The following DOCK7 variants were observed in gnomAD, a reference collection of about 807,000 sequenced individuals.
DOCK7 encodes dedicator of cytokinesis protein 7.
A neutral mutation model predicts 271.0 loss-of-function variants in DOCK7; 138 were observed. The observed-to-expected ratio is 0.51, with a 90% confidence interval of 0.44 to 0.59. The LOEUF is 0.59. Among genes scored for constraint, DOCK7 ranks in the 20% least tolerant of loss-of-function variants. The probability of loss-of-function intolerance (pLI) is 0.00; values close to 1 mark genes in which losing one functional copy is unlikely to be tolerated. For missense variants in DOCK7, 2,066 were observed against 2,592.4 expected (o/e 0.80, Z 4.41); for synonymous variants, 823 against 876.1 (o/e 0.94, Z 1.07).
intron 49 of DOCK7, among the ~76,000 whole-genome samples, chr1:62,456,074 T>C (rs548334039): frequency 2.6e-5 from 4 of 152,318 alleles, no homozygotes; most frequent in African/African-American, 7.2e-5. Flanking sequence ...CATGTGCTTC[T>C]ATAGTCAATC....
chr1:62,630,093 T>C (rs1654434220), intron 11 of DOCK7, among the ~76,000 whole-genome samples: 1 of 152,108 alleles, frequency 6.6e-6, no homozygotes, highest in African/African-American at 2.4e-5. Flanking sequence ...CTAAAAAGAA[T>C]GTGTATTCGG....
chr1:62,578,128 T>C (rs1386979654), intron 17 of DOCK7, among the ~76,000 whole-genome samples: 1 of 152,112 alleles, frequency 6.6e-6, no homozygotes, highest in Non-Finnish European at 1.5e-5. Context: ...TATGCCAAGC[T>C]GGAAAGCATA....
At chr1:62,636,717 G>T in intron 7 of DOCK7, 114 bp from the exon 8 acceptor site, 1 of 794,146 alleles carries the variant, frequency 1.3e-6, no homozygotes, top group Non-Finnish European at 2.0e-6. Context: ...CTACACCTGT[G>T]CCTTTGCCTA....
chr1:62,657,275 GA>G (rs1658134475), intron 2 of DOCK7, among the ~76,000 whole-genome samples: 1 of 152,146 alleles, frequency 6.6e-6, no homozygotes, highest in African/African-American at 2.4e-5. Context: ...TGGTCCAGTA[GA>G]AGTGGGAACC....
At chr1:62,511,551 T>A (rs1644484488) in intron 33 of DOCK7, among the ~76,000 whole-genome samples, 1 of 152,134 alleles carries the variant, frequency 6.6e-6, no homozygotes, top group Non-Finnish European at 1.5e-5. Flanking sequence ...TATAAATTTT[T>A]AAAAATACTG....
chr1:62,539,950 C>T, intron 25 of DOCK7, 58 bp from the exon 26 acceptor site: 2 of 1,194,466 alleles, frequency 1.7e-6, no homozygotes, highest in Non-Finnish European at 2.3e-6. Flanking sequence ...ATTACAACAA[C>T]TCTAAACACT....
chr1:62,675,436 G>A (rs535722277), intron 1 of DOCK7, among the ~76,000 whole-genome samples: 273 of 152,226 alleles, frequency 1.8e-3, no homozygotes, highest in African/African-American at 6.3e-3. Flanking sequence ...TAAGAGACCT[G>A]AACAGGTATT....
At position 62,529,313 on chromosome 1, in the gene DOCK7, T is replaced by A; in HGVS notation, c.3745A>T (p.Ile1249Phe). The A allele has an allele frequency of 6.2e-7, 1 of 1,612,594 alleles. No homozygotes were observed. The highest frequency in any genetic ancestry group is 8.5e-7 in the Non-Finnish European group (1 of 1,179,584). Residue 1249 changes from isoleucine (I) to phenylalanine (F), a missense_variant, in exon 30 of 50, where the codon ATC becomes TTC. Ile to Phe is a conservative substitution (Grantham distance 21). Coordinates refer to ENST00000635253, the MANE Select transcript of DOCK7 (RefSeq NM_001367561.1). ...TACAGCTGAGGTACAGTTTCCATGA[T>A]AATACCAATCAGAGGTAGATACAAC... ...AMLYLPLIGI[I>F]METVPQLYDF...
At chr1:62,518,303 G>A (rs866701459) in intron 31 of DOCK7, among the ~76,000 whole-genome samples, 2 of 152,224 alleles carry the variant, frequency 1.3e-5, no homozygotes, top group African/African-American at 4.8e-5. Flanking sequence ...CCGGCGTGGT[G>A]GCTCACGCCT....
intron 40 of DOCK7, 47 bp from the exon 41 acceptor site, chr1:62,492,894 G>A: frequency 2.7e-6 from 4 of 1,491,770 alleles, no homozygotes; most frequent in Non-Finnish European, 3.7e-6. Context: ...GAATTTTCTA[G>A]CATAAAAATG....
At chr1:62,545,752 G>A (rs922922726) in intron 22 of DOCK7, among the ~76,000 whole-genome samples, 5 of 151,954 alleles carry the variant, frequency 3.3e-5, no homozygotes, top group African/African-American at 4.8e-5. Context: ...TCTTTAAAAC[G>A]CTACTAAAGT....
At chr1:62,601,287 GAT>G (rs1361178465) in intron 14 of DOCK7, 17 of 916,844 alleles carry the variant, frequency 1.9e-5, no homozygotes, top group Non-Finnish European at 3.0e-5. Context: ...ATAGTTAAGA[GAT>G]ATCCATCAAA....
chr1:62,580,538 T>A (rs566753166), intron 16 of DOCK7, among the ~76,000 whole-genome samples: 3 of 152,340 alleles, frequency 2.0e-5, no homozygotes, highest in Admixed American at 2.0e-4. Context: ...AGTTCACTTC[T>A]GTCCTAAAAA....
intron 12 of DOCK7, among the ~76,000 whole-genome samples, chr1:62,620,236 T>G (rs1652988414): frequency 6.6e-6 from 1 of 151,524 alleles, no homozygotes; most frequent in African/African-American, 2.4e-5. Flanking sequence ...GGCAGGAGAA[T>G]CACGGGAGAT....
intron 4 of DOCK7, among the ~76,000 whole-genome samples, chr1:62,650,539 T>C (rs1041684384): frequency 6.6e-6 from 1 of 152,084 alleles, no homozygotes; most frequent in Non-Finnish European, 1.5e-5. Flanking sequence ...TTTTGCAATC[T>C]ACTCATCTGA....
At chr1:62,662,657 A>C (rs1658801843) in intron 2 of DOCK7, among the ~76,000 whole-genome samples, 2 of 152,136 alleles carry the variant, frequency 1.3e-5, no homozygotes, top group Admixed American at 6.6e-5. Context: ...GCTACTCAGG[A>C]GGCTAAGGCA....
intron 5 of DOCK7, 29 bp downstream of exon 5, chr1:62,648,386 T>G: frequency 1.4e-6 from 2 of 1,463,190 alleles, no homozygotes; most frequent in Non-Finnish European, 1.8e-6. Context: ...AAATAACTTC[T>G]TATAGTTATT....
chr1:62,482,779 T>C (rs544778558), intron 43 of DOCK7: 1 of 152,348 alleles, frequency 6.6e-6, no homozygotes, highest in South Asian at 2.1e-4. Flanking sequence ...TCCTTCCCTA[T>C]GTTGTTTTCC....
chr1:62,653,642 C>T, intron 4 of DOCK7, 83 bp downstream of exon 4: 1 of 887,748 alleles, frequency 1.1e-6, no homozygotes, highest in African/African-American at 1.7e-5. Flanking sequence ...ATTTTCAGGT[C>T]TCATAAACAT....
Sources: gnomAD v4.1 joint callset for allele counts (sites outside exome capture counted in the v4.1 genomes callset) on GRCh38, gnomAD v4.1.1 for gene constraint, MANE v1.5 for transcripts, NCBI Gene and HGNC (gene_info 2026-07-23, HGNC 2026-07-21) for gene names.